GOLGB1: variants seen among roughly 807,000 people sequenced by gnomAD.
GOLGB1 encodes golgin B1, also known as golgin subfamily B member 1.
In GOLGB1, 174 loss-of-function variants were observed where a neutral mutation model predicts 336.9. The ratio of observed to expected loss-of-function variants is 0.52; its 90% CI spans 0.46 to 0.59. GOLGB1 has a LOEUF of 0.59. Ranked by LOEUF, GOLGB1 falls within the 20% of genes least tolerant of loss-of-function variation. The pLI is 0.00. For missense variants in GOLGB1, 3,331 were observed against 3,645.3 expected (o/e 0.91, Z 2.22); for synonymous variants, 1,208 against 1,289.2 (o/e 0.94, Z 1.35).
intron 12 of GOLGB1, 79 bp downstream of exon 12, chr3:121,699,733 T>C (rs568839940): frequency 7.2e-5 from 58 of 804,362 alleles, no homozygotes; most frequent in African/African-American, 6.7e-4. Flanking sequence ...CACTAGAAAA[T>C]TATGGACGTA....
Position 121,693,841 on chromosome 3 carries a change from CTTT to C in GOLGB1, c.6679_6681del (p.Lys2227del), listed in dbSNP as rs1182278474. 1.9e-6 allele frequency: 3 copies of C among 1,613,286 alleles called. No homozygotes were observed. In the Admixed American group the frequency reaches 5.0e-5, roughly 27 times the overall value. On this transcript the variant is annotated inframe_deletion, in exon 13 of 22. Coordinates refer to ENST00000614479, the MANE Select transcript of GOLGB1 (RefSeq NM_001366282.2). ...TCTTCTTTGAGTCTAATTTCTTCTT[CTTT>C]GCTTTGAATCGCATCACTAAACTTC...
In GOLGB1 at chr3:121,664,946, TA is replaced by T; in HGVS notation, c.9639del (p.Thr3214GlnfsTer31). 1 of 1,597,946 alleles carries T rather than the reference TA, an allele frequency of 6.3e-7. No individual in the cohort carries two copies. The highest frequency in any genetic ancestry group is 8.6e-7 in the Non-Finnish European group (1 of 1,165,326). On this transcript the variant is annotated frameshift_variant, in exon 21 of 22. Coordinates refer to ENST00000614479, the MANE Select transcript of GOLGB1 (RefSeq NM_001366282.2). LOFTEE classifies it high-confidence loss of function. ...GTQEQALLID[L>X]TSNSCRRTRS... is the part of the protein sequence containing the mutation. ...CTTACCCTTCGACAACTGTTGCTTGTAAGATCTATTAACAGTGCCTGCTCCT... is the reference window on the plus strand; with the variant it reads ...CTTACCCTTCGACAACTGTTGCTTGTAGATCTATTAACAGTGCCTGCTCCT...
At position 121,697,346 on chromosome 3, in the gene GOLGB1, C is replaced by A; in HGVS notation, c.3177G>T (p.Lys1059Asn). 1 of 1,613,784 alleles carries A rather than the reference C, an allele frequency of 6.2e-7. No homozygotes were observed. The highest frequency in any genetic ancestry group is 8.5e-7 in the Non-Finnish European group (1 of 1,179,860). Residue 1059 changes from lysine (K) to asparagine (N), a missense_variant, in exon 13 of 22, where the codon AAG becomes AAT. Coordinates refer to ENST00000614479, the MANE Select transcript of GOLGB1 (RefSeq NM_001366282.2). The stretch of plus-strand genomic sequence containing the variant: ...TTAAATAAATTTCTATTTCTTGGCA[C>A]TTAGAAGTCACACATTTTTCTGAGT... The part of the protein sequence containing the change: ...KEYSEKCVTS[K>N]CQEIEIYLKQ...
chr3:121,702,516 C>A lies in GOLGB1; in HGVS notation c.1484G>T (p.Ser495Ile). The A allele has an allele frequency of 6.5e-7, 1 of 1,540,372 alleles. No homozygotes were observed. Among genetic ancestry groups the A allele is most frequent in the Admixed American group, 2.0e-5 (1 of 49,292 alleles). The change falls in exon 11 of 22, where the codon AGT becomes ATT. Residue 495 changes from serine (S) to isoleucine (I), a missense_variant. Ser to Ile is a moderately radical substitution (Grantham distance 142). Coordinates refer to ENST00000614479, the MANE Select transcript of GOLGB1 (RefSeq NM_001366282.2). ...LENEKGALLL[S>I]SIELEELKAE... The stretch of plus-strand genomic sequence containing the variant: ...TTTCAGCTCCTCCAGCTCTATAGAA[C>A]TAAGGAGCAAGGCTCCCTTTTCATT...
chr3:121,692,329 C>A lies in GOLGB1; in HGVS notation c.7035G>T (p.Gly2345=). ...KCKEQKGNLE[G]IIRQQEADIQ... ...TATCAGCCTCTTGCTGCCTTATGAT[C>A]CCTTCCAAGTTTCCTTTTTGTTCCT... The change falls in exon 14 of 22, where the codon GGG becomes GGT. Residue 2345 remains glycine (G), a synonymous_variant. Coordinates refer to ENST00000614479, the MANE Select transcript of GOLGB1 (RefSeq NM_001366282.2). 6.2e-7 allele frequency: 1 copy of A among 1,609,860 alleles called. No homozygotes were observed. Among genetic ancestry groups the A allele is most frequent in the South Asian group, 1.1e-5 (1 of 90,096 alleles).
intron 14 of GOLGB1, among the ~76,000 whole-genome samples, chr3:121,684,127 CAAA>C (rs61510295): frequency 2.8e-4 from 3 of 10,904 alleles, no homozygotes; most frequent in East Asian, 2.2e-3. Flanking sequence ...GACGCCGTCT[CAAA>C]AAAAAAAAAA....
chr3:121,678,910 A>C (rs766187029), intron 15 of GOLGB1, among the ~76,000 whole-genome samples: 37 of 152,056 alleles, frequency 2.4e-4, no homozygotes, highest in Non-Finnish European at 4.7e-4. Flanking sequence ...ACAACCTCCC[A>C]AAAATGAGGC....
At chr3:121,732,133 A>G (rs1399219868) in intron 1 of GOLGB1, among the ~76,000 whole-genome samples, 2 of 152,192 alleles carry the variant, frequency 1.3e-5, no homozygotes, top group Non-Finnish European at 2.9e-5. Context: ...AGAGAACCTG[A>G]ATATAAATGA....
At chr3:121,730,836 CA>C in intron 2 of GOLGB1, 39 bp downstream of exon 2, 3 of 1,582,332 alleles carry the variant, frequency 1.9e-6, no homozygotes, top group Non-Finnish European at 2.6e-6. Flanking sequence ...GAACACAGAA[CA>C]TATGTCTTAC....
chr3:121,721,131 G>A (rs1393871146), intron 6 of GOLGB1, among the ~76,000 whole-genome samples: 1 of 151,458 alleles, frequency 6.6e-6, no homozygotes, highest in African/African-American at 2.4e-5. Context: ...ATTTAAAAAG[G>A]ACACAATAAA....
chr3:121,746,114 C>T (rs1947268169), intron 1 of GOLGB1, among the ~76,000 whole-genome samples: 1 of 152,244 alleles, frequency 6.6e-6, no homozygotes, highest in Admixed American at 6.5e-5. Context: ...CACAGAAACA[C>T]AGAGAAGGTG....
At chr3:121,743,779 C>T (rs911011436) in intron 1 of GOLGB1, among the ~76,000 whole-genome samples, 3 of 152,072 alleles carry the variant, frequency 2.0e-5, no homozygotes, top group African/African-American at 7.2e-5. Context: ...CTAAGTGCTA[C>T]AGAAGTTGCT....
chr3:121,700,022 C>T, intron 11 of GOLGB1, 137 bp from the exon 12 acceptor site: 1 of 571,792 alleles, frequency 1.7e-6, no homozygotes. Flanking sequence ...AGGTGAAAGC[C>T]TTATTAAAGA....
chr3:121,730,775 G>A (rs1946038943), intron 2 of GOLGB1, 101 bp downstream of exon 2: 1 of 1,111,586 alleles, frequency 9.0e-7, no homozygotes, highest in East Asian at 2.8e-5. Flanking sequence ...GCTTCACCTA[G>A]TACCAGGGAG....
At chr3:121,726,814 T>C (rs2108250004) in intron 5 of GOLGB1, 99 bp downstream of exon 5, 1 of 794,540 alleles carries the variant, frequency 1.3e-6, no homozygotes, top group East Asian at 2.9e-5. Context: ...CATAGATAAA[T>C]GCCCATTGTG....
rs147233707 is a variant in GOLGB1 at position 121,694,973 on chromosome 3, G to T, written c.5550C>A (p.Leu1850=). ...INNYLQQIDQ[L]KERIAGLEEE... ...CCTCTAATCCAGCAATTCTTTCTTT[G>T]AGCTGATCAATCTGCTGTAGGTAGT... Residue 1850 remains leucine (L), a synonymous_variant, in exon 13 of 22, where the codon CTC becomes CTA. Coordinates refer to ENST00000614479, the MANE Select transcript of GOLGB1 (RefSeq NM_001366282.2). 4.7e-4 allele frequency: 759 copies of T among 1,613,914 alleles called. 1 individual carries two copies. The highest frequency in any genetic ancestry group is 3.7e-4 in the Non-Finnish European group (433 of 1,179,926).
At chr3:121,729,131 G>T in intron 4 of GOLGB1, 57 bp downstream of exon 4, 1 of 1,124,818 alleles carries the variant, frequency 8.9e-7, no homozygotes, top group Non-Finnish European at 1.3e-6. Context: ...GTGAAGATCT[G>T]CTGTATTGGT....
chr3:121,727,314 ATATATATTTTTTTTTT>A (rs1945729304), intron 4 of GOLGB1, among the ~76,000 whole-genome samples: 1 of 38,538 alleles, frequency 2.6e-5, no homozygotes, highest in Non-Finnish European at 5.8e-5. Context: ...ATATATATAT[ATATATATTTTTTTTTT>A]TTTTTTTTTT....
rs1283767745 is a variant in GOLGB1, at chr3:121,722,269, G to A, written c.641C>T (p.Ala214Val). The change falls in exon 6 of 22, where the codon GCT becomes GTT. Residue 214 changes from alanine to valine, a missense_variant. Transcript: ENST00000614479. ...AQLSQTQAEQ[A>V]AQLSSMQQVV... ...ATTTTGTGAGGTCCCTACCTGTGCA[G>A]CTTGCTCTGCCTGTGTCTGGCTGAG... is the stretch of plus-strand genomic sequence containing the variant. The A allele has an allele frequency of 6.3e-7, 1 of 1,590,746 alleles. No homozygotes were observed. The highest frequency in any genetic ancestry group is 1.7e-5 in the Admixed American group (1 of 59,968).
Sources: allele counts gnomAD v4.1 joint callset (sites outside exome capture counted in the v4.1 genomes callset), GRCh38; gene constraint gnomAD v4.1.1; transcripts MANE v1.5; gene names NCBI Gene and HGNC (gene_info 2026-07-23, HGNC 2026-07-21).